The following DCBLD1 variants were observed in gnomAD, a reference collection of about 807,000 sequenced individuals.
The protein encoded by DCBLD1 is discoidin, CUB and LCCL domain-containing protein 1.
A neutral mutation model predicts 71.5 loss-of-function variants in DCBLD1; 57 were observed. That is an observed-to-expected ratio of 0.80 (90% CI 0.64 to 0.99). The LOEUF (loss-of-function observed/expected upper bound fraction) is 0.99, where lower values mean the gene tolerates loss of function less well. Among genes scored for constraint, DCBLD1 ranks in the 50% least tolerant of loss-of-function variants. The pLI is 0.00. For missense variants in DCBLD1, 891 were observed against 923.5 expected (o/e 0.96, Z 0.46); for synonymous variants, 380 against 363.8 (o/e 1.04, Z -0.51).
At chr6:117,532,639 G>A (rs937525122) in intron 6 of DCBLD1, among the ~76,000 whole-genome samples, 11 of 152,256 alleles carry the variant, frequency 7.2e-5, no homozygotes, top group Non-Finnish European at 1.3e-4. Flanking sequence ...CCCTGGGGCA[G>A]AGGAGTGTTT....
At chr6:117,521,939 G>C (rs1349544597) in intron 4 of DCBLD1, among the ~76,000 whole-genome samples, 1 of 152,190 alleles carries the variant, frequency 6.6e-6, no homozygotes, top group African/African-American at 2.4e-5. Context: ...TGGCTCACAG[G>C]CCATAGTTTG....
At chr6:117,525,496 A>G in intron 5 of DCBLD1, 62 bp downstream of exon 5, 1 of 1,234,110 alleles carries the variant, frequency 8.1e-7, no homozygotes, top group African/African-American at 1.6e-5. Context: ...TACTCTGCCT[A>G]AATTAATTAC....
intron 7 of DCBLD1, among the ~76,000 whole-genome samples, chr6:117,538,160 G>C (rs1210065901): frequency 6.6e-6 from 1 of 152,142 alleles, no homozygotes; most frequent in Non-Finnish European, 1.5e-5. Flanking sequence ...AAGGTCCTTT[G>C]GATGAATATT....
intron 6 of DCBLD1, among the ~76,000 whole-genome samples, chr6:117,534,365 T>A (rs1198590999): frequency 1.3e-5 from 2 of 152,368 alleles, no homozygotes; most frequent in Admixed American, 1.3e-4. Flanking sequence ...TGATCACTTA[T>A]GCACAGTAAA....
chr6:117,557,419 A>G lies in DCBLD1; in HGVS notation c.1615+11822A>G, dbSNP rs533221728. ...CTGGATTTTTTCCAATTTAAATAAA[A>G]TGTTTTCTAATTTCAGTTCTTTCTT... On this transcript the variant is annotated intron_variant, in intron 14 of 14. Coordinates refer to the DCBLD1 transcript ENST00000296955. Among the ~76,000 whole-genome samples, 9 of 152,276 alleles carry G rather than the reference A, an allele frequency of 5.9e-5. No individual in the cohort carries two copies. The South Asian group carries it at 1.9e-3, about 32-fold the overall frequency.
chr6:117,556,279 C>A (rs1362650346), intron 14 of DCBLD1, among the ~76,000 whole-genome samples: 1 of 152,034 alleles, frequency 6.6e-6, no homozygotes, highest in Non-Finnish European at 1.5e-5. Flanking sequence ...GCATATATTG[C>A]GTAGTGGTGG....
chr6:117,517,578 A>G (rs139096175), intron 2 of DCBLD1, among the ~76,000 whole-genome samples: 153 of 152,294 alleles, frequency 1.0e-3, no homozygotes, highest in African/African-American at 3.5e-3. Context: ...GAGGTTCTCT[A>G]TGAGGGCCTC....
chr6:117,505,665 A>G (rs929510370), intron 2 of DCBLD1, among the ~76,000 whole-genome samples: 2 of 152,184 alleles, frequency 1.3e-5, no homozygotes, highest in Non-Finnish European at 2.9e-5. Context: ...ATATTCATAA[A>G]TATACACAAA....
At chr6:117,555,702 T>C (rs1023116935) in intron 14 of DCBLD1, among the ~76,000 whole-genome samples, 4 of 152,180 alleles carry the variant, frequency 2.6e-5, no homozygotes, top group Non-Finnish European at 5.9e-5. Flanking sequence ...AACAGTTTCT[T>C]GTGAAATTCA....
chr6:117,538,666 T>C lies in DCBLD1; in HGVS notation c.807T>C (p.Ala269=), dbSNP rs1349672875. 6.2e-7 allele frequency: 1 copy of C among 1,614,064 alleles called. No homozygotes were observed. The highest frequency in any genetic ancestry group is 1.3e-5 in the African/African-American group (1 of 74,906). The change falls in exon 8 of 15, where the codon GCT becomes GCC. Residue 269 remains alanine (A), a synonymous_variant. Transcript: ENST00000338728. ...TTGAACCTGACGGGCAAATCAGAGC[T>C]TCTTCCTCATGGCAGTCGGTCAATG... ...LSFEPDGQIR[A]SSSWQSVNES... is the part of the protein sequence containing the mutation.
rs1322847147 is a variant in DCBLD1 at position 117,482,835 on chromosome 6, C to A, written c.54C>A (p.Gly18=). Residue 18 remains glycine, a synonymous_variant, in exon 1 of 15, where the codon GGC becomes GGA. Transcript: ENST00000338728. The part of the protein sequence containing the change: ...GGALARAAGR[G]LLALLLAVSA... The stretch of plus-strand genomic sequence containing the variant: ...CACTGGCGCGGGCTGCCGGGCGGGG[C>A]CTCCTGGCTTTGCTGCTCGCGGTCT... 7 of 1,173,074 alleles carry A rather than the reference C, an allele frequency of 6.0e-6. No individual in the cohort carries two copies. The highest frequency in any genetic ancestry group is 6.3e-6 in the Non-Finnish European group (6 of 951,298). The allele number at this position is 1,173,074 out of a possible 1,614,324, so 72.7% of individuals were successfully genotyped here. A position where few individuals can be genotyped will look rare whatever the true frequency, so the allele number is the denominator to read the frequency against.
chr6:117,556,878 A>C (rs1324666533), intron 14 of DCBLD1, among the ~76,000 whole-genome samples: 1 of 152,126 alleles, frequency 6.6e-6, no homozygotes, highest in Non-Finnish European at 1.5e-5. Flanking sequence ...AGCCTCCCCA[A>C]CATCTGTTTC....
At chr6:117,540,554 T>C in intron 9 of DCBLD1, 114 bp from the exon 10 acceptor site, 1 of 1,342,088 alleles carries the variant, frequency 7.5e-7, no homozygotes, top group Non-Finnish European at 1.0e-6. Context: ...TCTAGAAAAA[T>C]GCAACCGACA....
intron 8 of DCBLD1, 110 bp from the exon 9 acceptor site, chr6:117,539,145 G>A: frequency 9.7e-7 from 1 of 1,026,100 alleles, no homozygotes; most frequent in South Asian, 1.8e-5. Context: ...TGGCCTGTGA[G>A]ATGATCTGAG....
At chr6:117,562,009 C>G in intron 14 of DCBLD1, 1 of 205,930 alleles carries the variant, frequency 4.9e-6, no homozygotes, top group East Asian at 7.4e-5. Flanking sequence ...ATTCCTTTAA[C>G]TGTACGTCCT....
intron 1 of DCBLD1, among the ~76,000 whole-genome samples, chr6:117,502,645 C>T (rs1431767264): frequency 6.6e-6 from 1 of 152,146 alleles, no homozygotes; most frequent in African/African-American, 2.4e-5. Context: ...CCATCAGAGA[C>T]TTTGGGATGG....
intron 6 of DCBLD1, among the ~76,000 whole-genome samples, chr6:117,534,207 A>C (rs927415929): frequency 6.6e-6 from 1 of 152,226 alleles, no homozygotes; most frequent in African/African-American, 2.4e-5. Flanking sequence ...TAGTAACAGT[A>C]TGCTATTAGA....
chr6:117,485,815 G>A (rs1194953478), intron 1 of DCBLD1, among the ~76,000 whole-genome samples: 1 of 152,152 alleles, frequency 6.6e-6, no homozygotes, highest in Non-Finnish European at 1.5e-5. Context: ...TGTTTATCAA[G>A]CCCAGCTCTC....
chr6:117,506,656 G>A (rs948586618), intron 2 of DCBLD1, among the ~76,000 whole-genome samples: 5 of 152,182 alleles, frequency 3.3e-5, no homozygotes, highest in Non-Finnish European at 7.3e-5. Context: ...AGTGGCTGGC[G>A]CTCAGAGAGT....
Sources: gnomAD v4.1 joint callset for allele counts (sites outside exome capture counted in the v4.1 genomes callset) on GRCh38, gnomAD v4.1.1 for gene constraint, MANE v1.5 for transcripts, NCBI Gene and HGNC (gene_info 2026-07-23, HGNC 2026-07-21) for gene names.